FARP2: variants seen among roughly 807,000 people sequenced by gnomAD.
The protein encoded by FARP2 is FERM, ARH/RhoGEF and pleckstrin domain protein 2.
In FARP2, 111 loss-of-function variants were observed where a neutral mutation model predicts 130.5. That is an observed-to-expected ratio of 0.85 (90% confidence interval 0.73 to 1.00). The LOEUF is 1.00. Ranked by LOEUF, FARP2 falls within the 50% of genes least tolerant of loss-of-function variation. The pLI is 0.00. For synonymous variants in FARP2, 504 were observed against 516.9 expected (o/e 0.98, Z 0.34); for missense variants, 1,385 against 1,346.3 (o/e 1.03, Z -0.45).
At chr2:241,358,933 T>G (rs1020896704) in intron 1 of FARP2, among the ~76,000 whole-genome samples, 2 of 152,226 alleles carry the variant, frequency 1.3e-5, no homozygotes, top group African/African-American at 4.8e-5. Context: ...GTGGCAAAGA[T>G]TTTGATTTTG....
intron 13 of FARP2, among the ~76,000 whole-genome samples, chr2:241,453,575 T>C (rs2063742279): frequency 6.6e-6 from 1 of 151,320 alleles, no homozygotes; most frequent in Non-Finnish European, 1.5e-5. Flanking sequence ...TGAGCCGAGA[T>C]CGTGTCACTG....
intron 13 of FARP2, among the ~76,000 whole-genome samples, chr2:241,453,848 A>G (rs768683872): frequency 1.7e-4 from 21 of 126,100 alleles, no homozygotes; most frequent in African/African-American, 6.1e-4. Context: ...CAGTGGTGCA[A>G]TCGTGGCTCA....
chr2:241,487,048 A>G (rs4675946), intron 21 of FARP2, among the ~76,000 whole-genome samples: 5,271 of 152,292 alleles, frequency 0.035, 503 homozygotes, highest in Admixed American at 0.19. Context: ...GGAATCACTC[A>G]GCGTGCTGGT....
At chr2:241,416,146 G>C (rs572686691) in intron 7 of FARP2, among the ~76,000 whole-genome samples, 6 of 152,104 alleles carry the variant, frequency 3.9e-5, no homozygotes, top group Admixed American at 3.3e-4. Flanking sequence ...GTTCATGTGT[G>C]TTGATGTGTG....
intron 17 of FARP2, among the ~76,000 whole-genome samples, 197 bp downstream of exon 17, chr2:241,464,177 C>G (rs531636190): frequency 1.0e-4 from 15 of 149,544 alleles, no homozygotes; most frequent in Non-Finnish European, 1.9e-4. Flanking sequence ...CCCCTCAGAA[C>G]AGTCTCCTCA....
At chr2:241,442,907 A>G (rs1403931436) in intron 13 of FARP2, 2 of 208,804 alleles carry the variant, frequency 9.6e-6, no homozygotes, top group Admixed American at 5.4e-5. Flanking sequence ...GTATTACACT[A>G]TTGATGCTGC....
rs1387182452 is a variant in FARP2, at chr2:241,436,516, T to C, written c.1136T>C (p.Leu379Pro). ...HSKTHTSVRA[L>P]TADLPKQSIS... ...AAGACCCACACGTCCGTTCGAGCTC[T>C]GACTGCAGACCTACCAAAACAGGTT... Residue 379 changes from leucine (L) to proline (P), a missense_variant, in exon 12 of 27, where the codon CTG becomes CCG. Leu to Pro is a moderately conservative substitution (Grantham distance 98, BLOSUM62 -3). Coordinates refer to ENST00000264042, the MANE Select transcript of FARP2 (RefSeq NM_014808.4). The C allele has an allele frequency of 6.2e-7, 1 of 1,614,224 alleles. No individual in the cohort carries two copies. The highest frequency in any genetic ancestry group is 1.3e-5 in the African/African-American group (1 of 75,070).
chr2:241,486,118 A>G (rs1475985608), intron 21 of FARP2, among the ~76,000 whole-genome samples: 1 of 152,108 alleles, frequency 6.6e-6, no homozygotes, highest in Non-Finnish European at 1.5e-5. Context: ...CACCTTTATT[A>G]TAGAAAAAAA....
intron 2 of FARP2, among the ~76,000 whole-genome samples, chr2:241,390,595 T>C (rs2061883288): frequency 6.6e-6 from 1 of 152,226 alleles, no homozygotes; most frequent in South Asian, 2.1e-4. Context: ...CATTATTTAG[T>C]TGGATTCTTT....
At chr2:241,407,088 G>A (rs568584092) in intron 4 of FARP2, among the ~76,000 whole-genome samples, 57 of 152,180 alleles carry the variant, frequency 3.7e-4, no homozygotes, top group Admixed American at 8.5e-4. Flanking sequence ...GATTACAGGC[G>A]TGAGCCACCG....
chr2:241,408,535 C>T (rs1312258044), intron 5 of FARP2, among the ~76,000 whole-genome samples: 2 of 102,462 alleles, frequency 2.0e-5, no homozygotes, highest in Non-Finnish European at 4.0e-5. Flanking sequence ...GAGCGAAACT[C>T]TGTCTCAAAA....
At chr2:241,428,061 C>T (rs913201911) in intron 8 of FARP2, among the ~76,000 whole-genome samples, 16 of 152,180 alleles carry the variant, frequency 1.1e-4, no homozygotes, top group African/African-American at 3.4e-4. Flanking sequence ...CCACCACGCC[C>T]AGCCTAGGCC....
intron 1 of FARP2, among the ~76,000 whole-genome samples, chr2:241,368,924 C>T (rs2061369877): frequency 1.3e-5 from 2 of 152,082 alleles, no homozygotes; most frequent in Admixed American, 1.3e-4. Context: ...GTTTATGCCA[C>T]GTTACTATTA....
At chr2:241,479,042 G>A in intron 19 of FARP2, 1 of 542,954 alleles carries the variant, frequency 1.8e-6, no homozygotes, top group Non-Finnish European at 3.4e-6. Flanking sequence ...TTCCCAAGAT[G>A]CAATGAACTA....
rs1232750839 is a variant in FARP2 at position 241,463,942 on chromosome 2, A to G, written c.1855A>G (p.Ile619Val). The G allele has an allele frequency of 1.9e-5, 30 of 1,614,160 alleles. No individual in the cohort carries two copies. Among genetic ancestry groups the G allele is most frequent in the Non-Finnish European group, 2.5e-5 (30 of 1,179,984 alleles). ...KAHTKGSHQR[I>V]GDILLRNMRQ... ...CCACACAAAAGGCAGTCATCAACGAATCGGGGACATCCTGCTCAGGAACAT... is the reference window on the plus strand; with the variant it reads ...CCACACAAAAGGCAGTCATCAACGAGTCGGGGACATCCTGCTCAGGAACAT... Residue 619 changes from isoleucine to valine, a missense_variant, in exon 17 of 27, where the codon ATC (isoleucine) becomes GTC (valine). Transcript: ENST00000264042.
intron 19 of FARP2, among the ~76,000 whole-genome samples, chr2:241,480,741 T>A (rs2064592906): frequency 6.6e-6 from 1 of 152,162 alleles, no homozygotes; most frequent in Admixed American, 6.5e-5. Context: ...GTATGAAGAT[T>A]TACCCTTCTG....
rs1284705715 is a variant in FARP2, at chr2:241,482,279, A to G, written c.2263-1186A>G. On this transcript the variant is annotated intron_variant, in intron 19 of 26. Transcript: ENST00000264042. This position sits in a 1 kb window ranked among gnomAD's most constrained non-coding sequence, Gnocchi z 4.6. ...TCACAGCTGGCAGCGGGGCCAGTGC[A>G]TGGTGGAGAAGGCGCCCCGTGGGTC... 6.6e-6 allele frequency among the ~76,000 whole-genome samples: 1 copy of G among 152,184 alleles called. No individual in the cohort carries two copies. Among genetic ancestry groups the G allele is most frequent in the Admixed American group, 6.5e-5 (1 of 15,276 alleles).
chr2:241,404,143 GA>G (rs756612466), intron 3 of FARP2, among the ~76,000 whole-genome samples: 3 of 152,224 alleles, frequency 2.0e-5, no homozygotes, highest in Non-Finnish European at 2.9e-5. Flanking sequence ...ATGTGCTGAG[GA>G]AACTCTCTTA....
chr2:241,460,426 G>A (rs1348786355), intron 14 of FARP2, among the ~76,000 whole-genome samples: 1 of 151,484 alleles, frequency 6.6e-6, no homozygotes, highest in Non-Finnish European at 1.5e-5. Context: ...GATTACAGGT[G>A]TGACCACCTG....
Sources: allele counts gnomAD v4.1 joint callset (sites outside exome capture counted in the v4.1 genomes callset), GRCh38; gene constraint gnomAD v4.1.1; non-coding constraint Gnocchi (gnomAD v3.1); transcripts MANE v1.5; gene names NCBI Gene and HGNC (gene_info 2026-07-23, HGNC 2026-07-21).